SLCO1C1: variants seen among roughly 807,000 people sequenced by gnomAD.
SLCO1C1 encodes the protein OAT-RP-5.
SLCO1C1 carries 70 observed loss-of-function variants against 76.4 expected under a neutral mutation model. The observed-to-expected ratio is 0.92, with a 90% CI of 0.76 to 1.12. The LOEUF is 1.12. Ranked by LOEUF, SLCO1C1 falls within the 50% of genes most tolerant of loss-of-function variation. The pLI, the probability that SLCO1C1 is intolerant of heterozygous loss-of-function variation, is 0.00. For missense variants in SLCO1C1, 912 were observed against 823.8 expected (o/e 1.11, Z -1.31); for synonymous variants, 306 against 286.1 (o/e 1.07, Z -0.70).
At chr12:20,747,711 C>A (rs1949113622) in intron 13 of SLCO1C1, among the ~76,000 whole-genome samples, 1 of 152,098 alleles carries the variant, frequency 6.6e-6, no homozygotes, top group South Asian at 2.1e-4. Context: ...TTTTGAGGCA[C>A]CAAATAATCC....
At position 20,723,265 on chromosome 12, in the gene SLCO1C1, C is replaced by G. The variant is rs752644955; in HGVS notation, c.1186+11C>G. ...CCAACTTTGTGATCGGTATGCTCAT[C>G]TGCCTTTCATGCTTTCTCAGAGGGA... On this transcript the variant is annotated intron_variant, in intron 9 of 14. Transcript: ENST00000266509. 6.2e-7 allele frequency: 1 copy of G among 1,612,346 alleles called. No homozygotes were observed. Among genetic ancestry groups the G allele is most frequent in the Non-Finnish European group, 8.5e-7 (1 of 1,179,504 alleles).
At position 20,750,753 on chromosome 12, in the gene SLCO1C1, G is replaced by A. The variant is rs751312245; in HGVS notation, c.1877G>A (p.Ser626Asn). The A allele has an allele frequency of 2.5e-6, 4 of 1,614,044 alleles. No individual in the cohort carries two copies. The highest frequency in any genetic ancestry group is 1.1e-5 in the South Asian group (1 of 91,076). Reference protein sequence around the residue: ...CLKWGFKRCGSRGSCRLYDSN... With the variant: ...CLKWGFKRCGNRGSCRLYDSN... ...AAATGGGGATTTAAAAGATGTGGAAGTAGAGGATCATGCAGATTATATGAT... is the reference window on the plus strand; with the variant it reads ...AAATGGGGATTTAAAAGATGTGGAAATAGAGGATCATGCAGATTATATGAT... Residue 626 changes from serine to asparagine, a missense_variant, in exon 14 of 15, where the codon AGT becomes AAT. Coordinates refer to ENST00000266509, the MANE Select transcript of SLCO1C1 (RefSeq NM_017435.5).
rs750164355 is a variant in SLCO1C1, at chr12:20,723,163, G to A, written c.1095G>A (p.Gln365=). The A allele has an allele frequency of 4.3e-6, 7 of 1,614,094 alleles. No homozygotes were observed. The highest frequency in any genetic ancestry group is 1.1e-5 in the South Asian group (1 of 91,076). ...YFLYLCTSTV[Q]FNSLFGMVTY... ...TATATTTATGTACAAGCACTGTTCA[G>A]TTCAATTCTCTGTTCGGCATGGTGA... is the stretch of plus-strand genomic sequence containing the variant. The change falls in exon 9 of 15, where the codon CAG becomes CAA. Residue 365 remains glutamine (Q), a synonymous_variant. Transcript: ENST00000266509.
chr12:20,725,068 ATATT>A (rs1947899332), intron 9 of SLCO1C1, among the ~76,000 whole-genome samples: 1 of 132,394 alleles, frequency 7.6e-6, no homozygotes, highest in Non-Finnish European at 1.6e-5. Flanking sequence ...TATATTATAT[ATATT>A]ATAATAAATT....
intron 4 of SLCO1C1, among the ~76,000 whole-genome samples, chr12:20,708,783 T>C (rs1256144445): frequency 2.6e-5 from 4 of 152,074 alleles, no homozygotes; most frequent in African/African-American, 9.7e-5. Context: ...TATGTCAACG[T>C]TGTTTCTCAC....
intron 1 of SLCO1C1, among the ~76,000 whole-genome samples, chr12:20,696,227 C>T (rs1314807245): frequency 1.3e-5 from 2 of 152,182 alleles, no homozygotes; most frequent in Non-Finnish European, 2.9e-5. Context: ...ACAACACACA[C>T]TCCTCTGCAG....
At chr12:20,714,845 T>G (rs1947288307) in intron 5 of SLCO1C1, among the ~76,000 whole-genome samples, 1 of 152,132 alleles carries the variant, frequency 6.6e-6, no homozygotes, top group Non-Finnish European at 1.5e-5. Flanking sequence ...GTGTGGGAAC[T>G]CAAATAGCTC....
chr12:20,723,170 T>A lies in SLCO1C1; in HGVS notation c.1102T>A (p.Ser368Thr). 1 of 1,614,198 alleles carries A rather than the reference T, an allele frequency of 6.2e-7. No homozygotes were observed. The highest frequency in any genetic ancestry group is 1.1e-5 in the South Asian group (1 of 91,080). ...ATGTACAAGCACTGTTCAGTTCAAT[T>A]CTCTGTTCGGCATGGTGACGTACAA... ...YLCTSTVQFN[S>T]LFGMVTYKPK... Residue 368 changes from serine (S) to threonine (T), a missense_variant, in exon 9 of 15, where the codon TCT becomes ACT. Ser to Thr is a moderately conservative substitution (Grantham distance 58). Coordinates refer to ENST00000266509, the MANE Select transcript of SLCO1C1 (RefSeq NM_017435.5).
intron 3 of SLCO1C1, among the ~76,000 whole-genome samples, chr12:20,705,233 A>C (rs1045577869): frequency 2.0e-5 from 3 of 151,976 alleles, no homozygotes; most frequent in Admixed American, 1.3e-4. Context: ...ACTTTCAAAA[A>C]AACCCAATAT....
At chr12:20,752,033 G>C (rs1327249935) in intron 14 of SLCO1C1, among the ~76,000 whole-genome samples, 2 of 152,008 alleles carry the variant, frequency 1.3e-5, no homozygotes, top group African/African-American at 4.8e-5. Flanking sequence ...AGGCAAACAG[G>C]GATATGGTTA....
In SLCO1C1 at chr12:20,717,197, A is replaced by G; in HGVS notation, c.742A>G (p.Lys248Glu). The change falls in exon 7 of 15, where the codon AAA becomes GAA. Residue 248 changes from lysine (K) to glutamate (E), a missense_variant. Coordinates refer to ENST00000266509, the MANE Select transcript of SLCO1C1 (RefSeq NM_017435.5). ...FGFLLGSLCA[K>E]LYVDIGFVNL... ...TTTCCTGTTAGGCTCATTATGTGCC[A>G]AACTATATGTTGACATTGGCTTTGT... 6.3e-7 allele frequency: 1 copy of G among 1,598,934 alleles called. No homozygotes were observed. The highest frequency in any genetic ancestry group is 1.8e-5 in the Admixed American group (1 of 56,230).
At chr12:20,721,413 A>G (rs1159946328) in intron 7 of SLCO1C1, among the ~76,000 whole-genome samples, 1 of 152,206 alleles carries the variant, frequency 6.6e-6, no homozygotes, top group Non-Finnish European at 1.5e-5. Context: ...CAAAAAGATC[A>G]CTATTCACTG....
At chr12:20,719,100 CTATTATTATTAT>C (rs71039975) in intron 7 of SLCO1C1, among the ~76,000 whole-genome samples, 11 of 145,666 alleles carry the variant, frequency 7.6e-5, no homozygotes, top group South Asian at 2.2e-4. Flanking sequence ...CAAGCTTTTA[CTATTATTATTAT>C]TATTATTATT....
intron 7 of SLCO1C1, among the ~76,000 whole-genome samples, chr12:20,720,136 T>A (rs1338388225): frequency 6.6e-6 from 1 of 152,212 alleles, no homozygotes; most frequent in African/African-American, 2.4e-5. Context: ...TGACAGCACA[T>A]CTTTTTGCAG....
At position 20,717,205 on chromosome 12, in the gene SLCO1C1, TG is replaced by T; in HGVS notation, c.751del (p.Val251LeufsTer6). The T allele has an allele frequency of 6.3e-7, 1 of 1,592,286 alleles. No individual in the cohort carries two copies. Among genetic ancestry groups the T allele is most frequent in the Non-Finnish European group, 8.5e-7 (1 of 1,173,738 alleles). On this transcript the variant is annotated frameshift_variant, in exon 7 of 15. Transcript: ENST00000266509. LOFTEE classifies it high-confidence loss of function. Reference protein sequence around the residue: ...LLGSLCAKLYVDIGFVNLDHI... With the variant: ...LLGSLCAKLYXDIGFVNLDHI... The stretch of plus-strand genomic sequence containing the variant: ...TAGGCTCATTATGTGCCAAACTATA[TG>T]TTGACATTGGCTTTGTAAACCTAGG...
At chr12:20,726,191 C>T (rs185677975) in intron 9 of SLCO1C1, among the ~76,000 whole-genome samples, 11 of 151,652 alleles carry the variant, frequency 7.3e-5, no homozygotes, top group Non-Finnish European at 1.3e-4. Context: ...GTATATCTGT[C>T]GTTCAATAAA....
Position 20,733,120 on chromosome 12 carries a change from A to G in SLCO1C1, c.1382+16A>G. The G allele has an allele frequency of 6.5e-7, 1 of 1,530,738 alleles. No homozygotes were observed. Among genetic ancestry groups the G allele is most frequent in the Non-Finnish European group, 8.7e-7 (1 of 1,144,094 alleles). 94.8% of individuals were successfully genotyped at this position (1,530,738 alleles called of 1,614,324 possible). ...CCTACCAAGGGTATGTTCCCTCATT[A>G]AATAGTTTGAGGATATTGGTTTGTT... On this transcript the variant is annotated intron_variant, in intron 10 of 14. Transcript: ENST00000266509.
chr12:20,696,168 T>C (rs778474411), intron 1 of SLCO1C1, among the ~76,000 whole-genome samples: 3 of 152,188 alleles, frequency 2.0e-5, no homozygotes, highest in Non-Finnish European at 1.5e-5. Context: ...ACTTATTAAA[T>C]CTGAATCTGA....
chr12:20,737,599 A>T (rs1425590034), intron 11 of SLCO1C1, among the ~76,000 whole-genome samples: 1 of 152,136 alleles, frequency 6.6e-6, no homozygotes, highest in African/African-American at 2.4e-5. Context: ...ATGCTTTCAG[A>T]TCCATGTCCC....
Sources: allele counts gnomAD v4.1 joint callset (sites outside exome capture counted in the v4.1 genomes callset), GRCh38; gene constraint gnomAD v4.1.1; transcripts MANE v1.5; gene names NCBI Gene and HGNC (gene_info 2026-07-23, HGNC 2026-07-21).